The following USH1C variants were observed in gnomAD, a reference collection of about 807,000 sequenced individuals.
The protein encoded by USH1C is harmonin.
A neutral mutation model predicts 119.3 loss-of-function variants in USH1C; 90 were observed. The observed-to-expected ratio is 0.75, with a 90% CI of 0.64 to 0.90. The LOEUF (loss-of-function observed/expected upper bound fraction) is 0.90. Ranked by LOEUF, USH1C falls within the 40% of genes least tolerant of loss-of-function variation. The pLI is 0.00. For missense variants in USH1C, 1,165 were observed against 1,167.7 expected (o/e 1.00, Z 0.03); for synonymous variants, 465 against 443.3 (o/e 1.05, Z -0.62).
intron 9 of USH1C, among the ~76,000 whole-genome samples, chr11:17,523,825 G>A (rs570320827): frequency 2.6e-5 from 4 of 152,332 alleles, no homozygotes; most frequent in Admixed American, 2.6e-4. Flanking sequence ...GTGTTGAATC[G>A]TCATAACAGA....
chr11:17,510,959 G>A (rs1336223260), intron 16 of USH1C, among the ~76,000 whole-genome samples: 1 of 152,070 alleles, frequency 6.6e-6, no homozygotes, highest in African/African-American at 2.4e-5. Flanking sequence ...TGGCTAATTT[G>A]TTCATAATGT....
chr11:17,504,625 C>T, intron 20 of USH1C, 22 bp downstream of exon 20: 1 of 1,613,896 alleles, frequency 6.2e-7, no homozygotes, highest in Non-Finnish European at 8.5e-7. Flanking sequence ...GACCTCCAGA[C>T]ACACAATGGG....
chr11:17,502,733 C>A (rs940468663), intron 20 of USH1C, among the ~76,000 whole-genome samples: 1 of 152,196 alleles, frequency 6.6e-6, no homozygotes, highest in Non-Finnish European at 1.5e-5. Context: ...GGCACCTGAA[C>A]ACACAGTGAG....
intron 1 of USH1C, among the ~76,000 whole-genome samples, chr11:17,538,563 A>G (rs1851321591): frequency 2.0e-5 from 3 of 152,134 alleles, no homozygotes. Flanking sequence ...TGTTGCGGGG[A>G]TTAAATGAGT....
Position 17,531,376 on chromosome 11 carries a change from C to T in USH1C, c.248+23G>A. The stretch of plus-strand genomic sequence containing the variant: ...GGGTGATCTCTCCACCCCCTGCCTC[C>T]AGCCTGGTGGCTTCCTCTGCACCTG... On this transcript the variant is annotated intron_variant, in intron 3 of 26. Transcript: ENST00000005226. This position sits in a 1 kb window ranked among gnomAD's most constrained non-coding sequence, Gnocchi z 4.2. The T allele has an allele frequency of 1.2e-6, 2 of 1,613,728 alleles. No homozygotes were observed. The highest frequency in any genetic ancestry group is 1.7e-6 in the Non-Finnish European group (2 of 1,179,824).
chr11:17,543,784 G>A (rs1851574840), intron 1 of USH1C, among the ~76,000 whole-genome samples: 1 of 152,236 alleles, frequency 6.6e-6, no homozygotes, highest in Non-Finnish European at 1.5e-5. Context: ...CCCTTAGGCA[G>A]GCAGGGCTGA....
At chr11:17,501,439 CAG>C in intron 22 of USH1C, 41 bp downstream of exon 22, 2 of 1,601,518 alleles carry the variant, frequency 1.2e-6, no homozygotes, top group Non-Finnish European at 1.7e-6. Context: ...GGGGCAGGCA[CAG>C]AGAGGGATGG....
intron 24 of USH1C, among the ~76,000 whole-genome samples, chr11:17,497,302 C>T (rs888397019): frequency 6.6e-6 from 1 of 152,162 alleles, no homozygotes; most frequent in African/African-American, 2.4e-5. Flanking sequence ...CCTCATTCTC[C>T]CTCCTTGGCT....
In USH1C at chr11:17,521,327, G is replaced by A. The variant is rs368988911; in HGVS notation, c.1085+19C>T. 25 of 1,613,548 alleles carry A rather than the reference G, an allele frequency of 1.5e-5. No individual in the cohort carries two copies. Among genetic ancestry groups the A allele is most frequent in the Middle Eastern group, 1.6e-4 (1 of 6,062 alleles). ...CACTGATGTTCATGCACAGACACGCGTGGAGCCGAGGTACTCACTGTTCCA... is the reference window on the plus strand; with the variant it reads ...CACTGATGTTCATGCACAGACACGCATGGAGCCGAGGTACTCACTGTTCCA... On this transcript the variant is annotated intron_variant, in intron 13 of 26. Coordinates refer to ENST00000005226, the MANE Select transcript of USH1C (RefSeq NM_153676.4).
chr11:17,514,243 G>A (rs1457570636), intron 15 of USH1C, among the ~76,000 whole-genome samples: 1 of 152,220 alleles, frequency 6.6e-6, no homozygotes, highest in Non-Finnish European at 1.5e-5. Flanking sequence ...TCTTGAGACA[G>A]GGTCCTGCTC....
Position 17,526,868 on chromosome 11 carries a change from G to A in USH1C, c.522-58C>T, listed in dbSNP as rs1850704148. 34 of 1,599,306 alleles carry A rather than the reference G, an allele frequency of 2.1e-5. 1 individual carries two copies. The highest frequency in any genetic ancestry group is 3.3e-4 in the Middle Eastern group (2 of 6,040). On this transcript the variant is annotated intron_variant, in intron 6 of 26. Coordinates refer to ENST00000005226, the MANE Select transcript of USH1C (RefSeq NM_153676.4). ...TTAGCGAGAGACGTTTGAGGAACCA[G>A]GCCCCACATCCAGATCCACCATGTC... is the stretch of plus-strand genomic sequence containing the variant.
At chr11:17,511,879 T>C in intron 16 of USH1C, 23 bp downstream of exon 16, 1 of 1,605,372 alleles carries the variant, frequency 6.2e-7, no homozygotes, top group Non-Finnish European at 8.5e-7. Context: ...GTTGCTTGCC[T>C]GGCCTGCAGG....
Position 17,533,252 on chromosome 11 carries a change from T to C in USH1C, c.104+3A>G, listed in dbSNP as rs373640439. ...CCACAAGAGCTGGACCCAGCACACTTACTGGTGGTACATTCGCAGCACATC... is the reference window on the plus strand; with the variant it reads ...CCACAAGAGCTGGACCCAGCACACTCACTGGTGGTACATTCGCAGCACATC... On this transcript the variant is annotated splice_donor_region_variant and intron_variant, in intron 2 of 26. Transcript: ENST00000005226. 6 of 1,613,110 alleles carry C rather than the reference T, an allele frequency of 3.7e-6. No homozygotes were observed. Among genetic ancestry groups the C allele is most frequent in the Non-Finnish European group, 5.1e-6 (6 of 1,179,112 alleles).
rs1357808844 is a variant in USH1C at position 17,501,995 on chromosome 11, A to G, written c.2185-15T>C. 1 of 1,613,226 alleles carries G rather than the reference A, an allele frequency of 6.2e-7. No individual in the cohort carries two copies. The highest frequency in any genetic ancestry group is 1.1e-5 in the South Asian group (1 of 90,902). On this transcript the variant is annotated splice_polypyrimidine_tract_variant and intron_variant, in intron 20 of 26. Transcript: ENST00000005226. The stretch of plus-strand genomic sequence containing the variant: ...TTCCGGAAATCCTGGAAGCAAAGGG[A>G]GGGCTTTAGGGCAACACAGCAGAGG...
intron 14 of USH1C, 51 bp from the exon 15 acceptor site, chr11:17,516,341 G>C: frequency 6.4e-7 from 1 of 1,568,494 alleles, no homozygotes; most frequent in South Asian, 1.1e-5. Flanking sequence ...CTCAGCCAGA[G>C]CATCCATGGG....
intron 14 of USH1C, among the ~76,000 whole-genome samples, chr11:17,518,822 C>T (rs1038307714): frequency 1.3e-5 from 2 of 152,090 alleles, no homozygotes; most frequent in Non-Finnish European, 2.9e-5. Flanking sequence ...GAGTTCAAGA[C>T]CTGCCTGACC....
At position 17,531,118 on chromosome 11, in the gene USH1C, C is replaced by T. The variant is rs150672742; in HGVS notation, c.387+36G>A. The T allele has an allele frequency of 2.5e-6, 4 of 1,613,282 alleles. No individual in the cohort carries two copies. In the East Asian group the frequency reaches 8.9e-5, roughly 36 times the overall value. ...TGAGGGGGAGGCAGGAGGTCCGAGG[C>T]CCTCGCTCCCCCTCCCCCGGACTCT... On this transcript the variant is annotated intron_variant, in intron 4 of 26. Transcript: ENST00000005226. The surrounding 1 kb of genome is among the most constrained non-coding windows in gnomAD (Gnocchi z 4.2).
At chr11:17,527,113 C>A in intron 5 of USH1C, 73 bp from the exon 6 acceptor site, 2 of 864,508 alleles carry the variant, frequency 2.3e-6, no homozygotes, top group Admixed American at 5.2e-5. Context: ...GGAGTACTGA[C>A]CTGCTCCCCC....
At position 17,527,008 on chromosome 11, in the gene USH1C, C is replaced by G. The variant is rs1349602504; in HGVS notation, c.521+8G>C. 1.9e-6 allele frequency: 3 copies of G among 1,563,926 alleles called. No homozygotes were observed. The highest frequency in any genetic ancestry group is 2.6e-6 in the Non-Finnish European group (3 of 1,153,166). ...GAAGAGTTGGCCTGCAGAGGAGGGG[C>G]CTCTCACCTTTTCACGGGGATCAGG... On this transcript the variant is annotated splice_region_variant and intron_variant, in intron 6 of 26. Coordinates refer to ENST00000005226, the MANE Select transcript of USH1C (RefSeq NM_153676.4).
Sources: allele counts gnomAD v4.1 joint callset (sites outside exome capture counted in the v4.1 genomes callset), GRCh38; gene constraint gnomAD v4.1.1; non-coding constraint Gnocchi (gnomAD v3.1); transcripts MANE v1.5; gene names NCBI Gene and HGNC (gene_info 2026-07-23, HGNC 2026-07-21).